CLVS1: variants seen among roughly 807,000 people sequenced by gnomAD.
CLVS1 encodes clavesin 1, also known as clavesin-1.
In CLVS1, 10 loss-of-function variants were observed where a neutral mutation model predicts 33.1. That is an observed-to-expected ratio of 0.30 (90% confidence interval 0.19 to 0.51). CLVS1 has a LOEUF of 0.51. Ranked by LOEUF, CLVS1 falls within the 20% of genes least tolerant of loss-of-function variation. The pLI, the probability that CLVS1 is intolerant of heterozygous loss-of-function variation, is 0.97. For missense variants in CLVS1, 343 were observed against 433.4 expected, an observed-to-expected ratio of 0.79 and a Z score of 1.85; for synonymous variants, 163 against 166.1, an observed-to-expected ratio of 0.98 and a Z score of 0.14.
At chr8:60,989,451 TAACAG>T in the CLVS1 span, among the ~76,000 whole-genome samples, 47 of 152,248 alleles carry the variant, frequency 3.1e-4, no homozygotes, top group African/African-American at 1.1e-3. Context: ...TGCAGATTCT[TAACAG>T]AGCATTGGAA....
At chr8:61,026,640 A>C in the CLVS1 span, among the ~76,000 whole-genome samples, 1 of 152,176 alleles carries the variant, frequency 6.6e-6, no homozygotes, top group African/African-American at 2.4e-5. Flanking sequence ...GTAGTACTGA[A>C]GTCTGTGGAG....
At chr8:61,399,292 T>G (rs2581545) in intron 3 of CLVS1, among the ~76,000 whole-genome samples, 228 of 152,348 alleles carry the variant, frequency 1.5e-3, no homozygotes, top group Non-Finnish European at 1.8e-3. Context: ...TGATCAGTGA[T>G]GTTAAGCTGT....
intron 2 of CLVS1, among the ~76,000 whole-genome samples, chr8:61,375,795 C>A (rs1295015082): frequency 6.6e-6 from 1 of 152,184 alleles, no homozygotes; most frequent in Admixed American, 6.5e-5. Context: ...AGATTTATAG[C>A]TCAGATAATT....
intron 2 of CLVS1, among the ~76,000 whole-genome samples, chr8:61,307,258 G>T (rs1364048292): frequency 6.6e-6 from 1 of 152,102 alleles, no homozygotes; most frequent in African/African-American, 2.4e-5. Flanking sequence ...TAAAAGCTCA[G>T]AAATCAGCAA....
chr8:61,457,695 A>G (rs1282871958), intron 4 of CLVS1, among the ~76,000 whole-genome samples: 2 of 152,164 alleles, frequency 1.3e-5, no homozygotes, highest in Non-Finnish European at 2.9e-5. Flanking sequence ...AAGGAGTAAG[A>G]AAACACCAAC....
the CLVS1 span, among the ~76,000 whole-genome samples, chr8:61,027,741 A>G: frequency 6.6e-6 from 1 of 152,096 alleles, no homozygotes; most frequent in Non-Finnish European, 1.5e-5. Context: ...TTCAATATCC[A>G]GTGTCTGGTT....
intron 2 of CLVS1, among the ~76,000 whole-genome samples, chr8:61,233,521 A>AAG (rs1554548556): frequency 4.0e-5 from 6 of 151,644 alleles, no homozygotes; most frequent in East Asian, 1.9e-4. Flanking sequence ...AAAAAAAAAA[A>AAG]AAAGAAAGAA....
intron 2 of CLVS1, among the ~76,000 whole-genome samples, chr8:61,212,530 G>C (rs1807992911): frequency 6.6e-6 from 1 of 152,170 alleles, no homozygotes; most frequent in Non-Finnish European, 1.5e-5. Context: ...GGCTTGTGTG[G>C]GGGAATACAC....
In CLVS1 at chr8:61,501,362, C is replaced by T. The variant is rs889738433; in HGVS notation, c.*1820C>T. The T allele has an allele frequency of 5.3e-5, 8 of 152,120 alleles. No homozygotes were observed. The highest frequency in any genetic ancestry group is 8.8e-5 in the Non-Finnish European group (6 of 68,002). 9.4% of individuals were successfully genotyped at this position (152,120 alleles called of 1,614,324 possible). ...ATTTCTAGCTTTTCAATTGGCAATA[C>T]TTAGAACCTTACTGTAGTGACCTGA... On this transcript the variant is annotated 3_prime_UTR_variant, in exon 6 of 6. Transcript: ENST00000325897.
chr8:61,190,576 A>C (rs1460436450), intron 2 of CLVS1, among the ~76,000 whole-genome samples: 1 of 152,218 alleles, frequency 6.6e-6, no homozygotes, highest in Non-Finnish European at 1.5e-5. Context: ...AAAATCAATG[A>C]ATCCAGGAGC....
chr8:61,408,554 T>G (rs1815086862), intron 3 of CLVS1, among the ~76,000 whole-genome samples: 1 of 152,094 alleles, frequency 6.6e-6, no homozygotes, highest in African/African-American at 2.4e-5. Flanking sequence ...CTCTAGCAAA[T>G]TAGACTTGGT....
At chr8:61,250,820 G>A (rs1411139641) in intron 2 of CLVS1, among the ~76,000 whole-genome samples, 1 of 152,208 alleles carries the variant, frequency 6.6e-6, no homozygotes, top group Non-Finnish European at 1.5e-5. Flanking sequence ...TTAGGGCTGA[G>A]AGGATGGGGT....
At position 61,300,003 on chromosome 8, in the gene CLVS1, T is replaced by C; in HGVS notation, c.176T>C (p.Met59Thr). 1 of 1,614,080 alleles carries C rather than the reference T, an allele frequency of 6.2e-7. No homozygotes were observed. The highest frequency in any genetic ancestry group is 1.1e-5 in the South Asian group (1 of 91,076). The change falls in exon 2 of 6, where the codon ATG becomes ACG. Residue 59 changes from methionine (M) to threonine (T), a missense_variant. Physicochemically the swap from Met to Thr is moderately conservative, Grantham distance 81 (BLOSUM62 -1). This residue lies in a region of CLVS1 where 88 missense variants were observed against 77.3 expected (regional missense o/e 1.14). Transcript: ENST00000325897. ...LHQDIQQVRD[M>T]IITRPDIGFL... is the part of the protein sequence containing the mutation. ...CAGGATATTCAGCAAGTCAGGGACA[T>C]GATCATCACCAGGCCTGACATTGGA...
chr8:61,023,148 C>T, the CLVS1 span, among the ~76,000 whole-genome samples: 1 of 152,324 alleles, frequency 6.6e-6, no homozygotes, highest in East Asian at 1.9e-4. Context: ...GATGAGGATA[C>T]TACTACAAGA....
the CLVS1 span, among the ~76,000 whole-genome samples, chr8:60,971,077 T>C: frequency 7.2e-6 from 1 of 138,222 alleles, no homozygotes; most frequent in South Asian, 2.5e-4. Flanking sequence ...TTTCCTTTTT[T>C]TTTTTTTTTT....
rs116724471 is a variant in CLVS1 at position 61,103,340 on chromosome 8, G to A, written c.-242-28430G>A. 5.9e-3 allele frequency among the ~76,000 whole-genome samples: 904 copies of A among 152,318 alleles called. 11 individuals are homozygous for A. Among genetic ancestry groups the A allele is most frequent in the African/African-American group, 0.021 (855 of 41,556 alleles). On this transcript the variant is annotated intron_variant, in intron 1 of 2. Transcript: ENST00000522621. ...GCTGTTTGCCAAGGACCAAAAGTAGGCATGAAGATTATTGATTTATGATTA... is the reference window on the plus strand; with the variant it reads ...GCTGTTTGCCAAGGACCAAAAGTAGACATGAAGATTATTGATTTATGATTA...
chr8:61,112,179 TACACACACACACAC>T (rs749547863), intron 1 of CLVS1, among the ~76,000 whole-genome samples: 9 of 89,104 alleles, frequency 1.0e-4, no homozygotes, highest in South Asian at 9.2e-4. Context: ...TTCTCCGTGC[TACACACACACACAC>T]ACACACACAC....
At chr8:61,499,335 CCA>C in intron 5 of CLVS1, 118 bp from the exon 6 acceptor site, 1 of 652,922 alleles carries the variant, frequency 1.5e-6, no homozygotes, top group East Asian at 2.9e-5. Context: ...GCCACTGCAC[CCA>C]GTTAATTTTT....
chr8:61,233,107 T>C (rs1184121233), intron 2 of CLVS1, among the ~76,000 whole-genome samples: 1 of 152,216 alleles, frequency 6.6e-6, no homozygotes, highest in East Asian at 1.9e-4. Flanking sequence ...ATATGAACAT[T>C]TGACAGTTTG....
Sources: allele counts gnomAD v4.1 joint callset (sites outside exome capture counted in the v4.1 genomes callset), GRCh38; gene constraint gnomAD v4.1.1; regional missense constraint gnomAD v4.1.1; transcripts MANE v1.5; gene names NCBI Gene and HGNC (gene_info 2026-07-23, HGNC 2026-07-21).